Variants in FAT3 observed in about 807,000 individuals in gnomAD.
FAT3 encodes the protein protocadherin Fat 3.
In FAT3, 95 loss-of-function variants were observed where a neutral mutation model predicts 310.2. That is an observed-to-expected ratio of 0.31 (90% CI 0.26 to 0.36). The LOEUF is 0.36. Ranked by LOEUF, FAT3 falls within the 10% of genes least tolerant of loss-of-function variation. FAT3 has a pLI of 1.00. For synonymous variants in FAT3, 2,314 were observed against 2,192.9 expected (o/e 1.06, Z -1.54); for missense variants, 5,408 against 5,715.6 (o/e 0.95, Z 1.74).
chr11:92,705,565 GGT>G (rs1944277587), intron 4 of FAT3, among the ~76,000 whole-genome samples: 1 of 28,394 alleles, frequency 3.5e-5, no homozygotes, highest in Non-Finnish European at 7.5e-5. Flanking sequence ...GTGTGATGGT[GGT>G]GGTGGTGGTG....
chr11:92,307,842 G>T (rs1215673802), intron 1 of FAT3, among the ~76,000 whole-genome samples: 3 of 152,142 alleles, frequency 2.0e-5, no homozygotes, highest in Admixed American at 6.5e-5. Flanking sequence ...TTAAACACAG[G>T]TTTTCATATG....
intron 3 of FAT3, among the ~76,000 whole-genome samples, chr11:92,623,756 A>G (rs1352060394): frequency 6.6e-6 from 1 of 152,144 alleles, no homozygotes; most frequent in Admixed American, 6.5e-5. Context: ...ATCCTGGCTA[A>G]CATGGTGAAA....
intron 2 of FAT3, among the ~76,000 whole-genome samples, chr11:92,365,678 A>T (rs183360419): frequency 6.6e-6 from 1 of 152,354 alleles, no homozygotes; most frequent in East Asian, 1.9e-4. Flanking sequence ...AAGCAACTAG[A>T]ATATGATTCA....
At chr11:92,230,456 C>T (rs1373744256) in intron 1 of FAT3, among the ~76,000 whole-genome samples, 1 of 118,166 alleles carries the variant, frequency 8.5e-6, no homozygotes, top group Non-Finnish European at 2.0e-5. Flanking sequence ...ACCATGCCCT[C>T]TTAATTTTTA....
chr11:92,293,074 AAG>A (rs1946738446), intron 1 of FAT3, among the ~76,000 whole-genome samples: 1 of 142,510 alleles, frequency 7.0e-6, no homozygotes, highest in Non-Finnish European at 1.5e-5. Context: ...GGAAGGAAGG[AAG>A]GAAAGAAGGA....
Position 92,893,735 on chromosome 11 carries a change from A to G in FAT3, c.*2622A>G, listed in dbSNP as rs1173430422. The stretch of plus-strand genomic sequence containing the variant: ...CTAAATATATACCAGGCAAGCATGT[A>G]TTGTGTTTTGATTTATTATCTTTAA... On this transcript the variant is annotated 3_prime_UTR_variant, in exon 28 of 28. Transcript: ENST00000525166. 6.6e-6 allele frequency: 1 copy of G among 152,220 alleles called. No homozygotes were observed. The highest frequency in any genetic ancestry group is 1.5e-5 in the Non-Finnish European group (1 of 68,034). The allele number at this position is 152,220 out of a possible 1,614,324, so 9.4% of individuals were successfully genotyped here.
At chr11:92,367,597 A>G (rs536882522) in intron 2 of FAT3, among the ~76,000 whole-genome samples, 151 of 152,240 alleles carry the variant, frequency 9.9e-4, no homozygotes, top group African/African-American at 3.6e-3. Context: ...TGCCACTACA[A>G]TCCAGCTTGG....
At chr11:92,459,304 G>A (rs1700695552) in intron 2 of FAT3, among the ~76,000 whole-genome samples, 1 of 152,154 alleles carries the variant, frequency 6.6e-6, no homozygotes, top group African/African-American at 2.4e-5. Context: ...TCTTACCTGC[G>A]GGGAGTTCCA....
chr11:92,447,776 C>A (rs537038801), intron 2 of FAT3, among the ~76,000 whole-genome samples: 1 of 152,048 alleles, frequency 6.6e-6, no homozygotes, highest in Non-Finnish European at 1.5e-5. Flanking sequence ...AGAAGTGGAA[C>A]GAGAAGAACC....
At chr11:92,402,563 C>T (rs1239975956) in intron 2 of FAT3, among the ~76,000 whole-genome samples, 4 of 151,494 alleles carry the variant, frequency 2.6e-5, no homozygotes, top group Non-Finnish European at 4.4e-5. Flanking sequence ...AACCCTGTCT[C>T]CACAAAAAAA....
chr11:92,781,785 G>A (rs182235337), intron 7 of FAT3, among the ~76,000 whole-genome samples: 1 of 151,610 alleles, frequency 6.6e-6, no homozygotes, highest in East Asian at 1.9e-4. Context: ...GCTATTACAA[G>A]AAGATTCTTG....
rs999169124 is a variant in FAT3, at chr11:92,612,277, G to A, written c.3608-85107G>A. ...ACTTTTCTCTCCACCTCACCCCTGC[G>A]AAAATCTCCCACTTTGCAAACTGAC... On this transcript the variant is annotated intron_variant, in intron 3 of 27. Transcript: ENST00000525166. 5.3e-5 allele frequency among the ~76,000 whole-genome samples: 8 copies of A among 152,102 alleles called. No homozygotes were observed. In the East Asian group the frequency reaches 1.4e-3, roughly 26 times the overall value.
At chr11:92,528,285 T>C (rs1055614298) in intron 3 of FAT3, among the ~76,000 whole-genome samples, 17 of 152,330 alleles carry the variant, frequency 1.1e-4, no homozygotes, top group African/African-American at 4.1e-4. Flanking sequence ...TACAGAGAAC[T>C]CTTGCTTAAT....
chr11:92,408,924 GAA>G lies in FAT3; in HGVS notation c.3292+53523_3292+53524del, dbSNP rs1385430157. Reference sequence around the variant, plus strand: ...TTAGGTGAAGGGCTTGCTTTGATGAGAAAATAAAATGGAATAATTTTCGGCAA... The same window carrying G: ...TTAGGTGAAGGGCTTGCTTTGATGAGAATAAAATGGAATAATTTTCGGCAA... On this transcript the variant is annotated intron_variant, in intron 2 of 27. Transcript: ENST00000525166. 1.1e-4 allele frequency among the ~76,000 whole-genome samples: 16 copies of G among 152,134 alleles called. 1 individual carries two copies. The highest frequency in any genetic ancestry group is 1.0e-4 in the Non-Finnish European group (7 of 68,018).
intron 3 of FAT3, among the ~76,000 whole-genome samples, chr11:92,614,700 A>C (rs1007372645): frequency 2.0e-5 from 3 of 152,202 alleles, no homozygotes; most frequent in Non-Finnish European, 2.9e-5. Context: ...GAAGAAAAAA[A>C]GTTTTACAAT....
intron 19 of FAT3, 49 bp from the exon 20 acceptor site, chr11:92,857,165 G>A (rs1181901529): frequency 6.2e-7 from 1 of 1,613,250 alleles, no homozygotes. Context: ...CTGGAGTGCA[G>A]GGTGAATCCC....
chr11:92,819,422 G>T (rs1270706196), intron 13 of FAT3, among the ~76,000 whole-genome samples: 4 of 152,176 alleles, frequency 2.6e-5, no homozygotes, highest in Non-Finnish European at 4.4e-5. Context: ...AGTAGGTCAG[G>T]GAAGGAACCT....
At chr11:92,524,324 C>T (rs1953780969) in intron 2 of FAT3, among the ~76,000 whole-genome samples, 2 of 151,660 alleles carry the variant, frequency 1.3e-5, no homozygotes, top group East Asian at 3.9e-4. Context: ...TCTTCTCATT[C>T]CTCTATATCA....
chr11:92,523,773 T>C (rs1484431701), intron 2 of FAT3, among the ~76,000 whole-genome samples: 1 of 152,200 alleles, frequency 6.6e-6, no homozygotes, highest in Non-Finnish European at 1.5e-5. Flanking sequence ...CTGTGGTAAG[T>C]TTCTGCAGCC....
Sources: gnomAD v4.1 joint callset for allele counts (sites outside exome capture counted in the v4.1 genomes callset) on GRCh38, gnomAD v4.1.1 for gene constraint, MANE v1.5 for transcripts, NCBI Gene and HGNC (gene_info 2026-07-23, HGNC 2026-07-21) for gene names.